The following AIG1 variants were observed in gnomAD, a reference collection of about 807,000 sequenced individuals.
AIG1 encodes androgen induced 1.
A neutral mutation model predicts 31.4 loss-of-function variants in AIG1; 23 were observed. That is an observed-to-expected ratio of 0.73 (90% CI 0.53 to 1.04). The LOEUF is 1.04. Ranked by LOEUF, AIG1 falls within the 50% of genes least tolerant of loss-of-function variation. AIG1 has a pLI of 0.00. For missense variants in AIG1, 274 were observed against 295.0 expected (o/e 0.93, Z 0.52); for synonymous variants, 100 against 110.5 (o/e 0.90, Z 0.60).
At position 143,184,694 on chromosome 6, in the gene AIG1, C is replaced by T. The variant is rs140935290; in HGVS notation, c.399+19511C>T. On this transcript the variant is annotated intron_variant, in intron 3 of 5. Transcript: ENST00000357847. ...AGCTGAACTGAGGCAGCAGCCTCGT[C>T]TCTCATCTCCTGGCCTCTGCCCTCT... Among the ~76,000 whole-genome samples, 1,493 of 152,280 alleles carry T rather than the reference C, an allele frequency of 9.8e-3. 21 individuals are homozygous for T. Among genetic ancestry groups the T allele is most frequent in the African/African-American group, 0.034 (1,425 of 41,540 alleles).
intron 3 of AIG1, among the ~76,000 whole-genome samples, chr6:143,208,267 A>G (rs1417941053): frequency 1.3e-5 from 2 of 152,102 alleles, no homozygotes; most frequent in African/African-American, 4.8e-5. Context: ...TTCAAGCAAC[A>G]CTCTTTATTA....
chr6:143,211,306 T>C (rs2128615714), intron 3 of AIG1, among the ~76,000 whole-genome samples: 1 of 151,912 alleles, frequency 6.6e-6, no homozygotes, highest in East Asian at 2.0e-4. Flanking sequence ...TCGTTTGCTG[T>C]GGGAGATTTA....
Position 143,136,827 on chromosome 6 carries a change from C to A in AIG1, c.142-8C>A. The A allele has an allele frequency of 7.1e-7, 1 of 1,400,612 alleles. No individual in the cohort carries two copies. Among genetic ancestry groups the A allele is most frequent in the Non-Finnish European group, 9.4e-7 (1 of 1,059,838 alleles). The allele number at this position is 1,400,612 out of a possible 1,614,324, so 86.8% of individuals were successfully genotyped here. A position where few individuals can be genotyped will look rare whatever the true frequency, so the allele number is the denominator to read the frequency against. ...TAATGACTCATACCGGCTGTTGTCC[C>A]CCTACAGGTTATCCAGGCTGTCTTT... On this transcript the variant is annotated splice_region_variant and splice_polypyrimidine_tract_variant and intron_variant, in intron 1 of 5. Transcript: ENST00000357847.
intron 3 of AIG1, among the ~76,000 whole-genome samples, chr6:143,276,538 C>T (rs1349386936): frequency 6.6e-6 from 1 of 152,160 alleles, no homozygotes; most frequent in Non-Finnish European, 1.5e-5. Context: ...AATGCCCTGG[C>T]AGTTTCTGGA....
At chr6:143,127,053 G>A (rs889871280) in intron 1 of AIG1, among the ~76,000 whole-genome samples, 4 of 152,162 alleles carry the variant, frequency 2.6e-5, no homozygotes, top group Non-Finnish European at 4.4e-5. Flanking sequence ...CTTTTATAGA[G>A]AGATTTTATA....
At position 143,333,437 on chromosome 6, in the gene AIG1, C is replaced by T; in HGVS notation, c.671C>T (p.Thr224Ile). ...GTTCTGAACAACTATATCTGGGATACACAGAAAAGTAAGTATTGTCTGAGG... is the reference window on the plus strand; with the variant it reads ...GTTCTGAACAACTATATCTGGGATATACAGAAAAGTAAGTATTGTCTGAGG... ...GEVLNNYIWDTQKSMEEEKEK... is the reference protein window; with the variant it reads ...GEVLNNYIWDIQKSMEEEKEK... Residue 224 changes from threonine to isoleucine, a missense_variant, in exon 5 of 6, where the codon ACA becomes ATA. By Grantham distance (89) the Thr-to-Ile change is moderately conservative. Coordinates refer to ENST00000357847, the MANE Select transcript of AIG1 (RefSeq NM_016108.4). This position sits in a 1 kb window ranked among gnomAD's most constrained non-coding sequence, Gnocchi z 4.6. 2 of 1,613,046 alleles carry T rather than the reference C, an allele frequency of 1.2e-6. No individual in the cohort carries two copies. Among genetic ancestry groups the T allele is most frequent in the Non-Finnish European group, 1.7e-6 (2 of 1,179,630 alleles).
At chr6:143,255,689 A>G (rs889325826) in intron 3 of AIG1, among the ~76,000 whole-genome samples, 2 of 152,202 alleles carry the variant, frequency 1.3e-5, no homozygotes, top group African/African-American at 4.8e-5. Context: ...TTTTCTGAAA[A>G]TGTGTATATG....
chr6:143,071,510 A>G (rs1777255354), intron 1 of AIG1, among the ~76,000 whole-genome samples: 1 of 152,260 alleles, frequency 6.6e-6, no homozygotes, highest in South Asian at 2.1e-4. Flanking sequence ...GGAAGCTACC[A>G]AATGGTTGTC....
At chr6:143,142,866 A>G (rs1784361175) in intron 2 of AIG1, among the ~76,000 whole-genome samples, 1 of 152,218 alleles carries the variant, frequency 6.6e-6, no homozygotes, top group Non-Finnish European at 1.5e-5. Flanking sequence ...AAAATCTCAA[A>G]TGCAAACTCA....
rs570130993 is a variant in AIG1, at chr6:143,091,545, G to T, written c.141+30479G>T. Among the ~76,000 whole-genome samples the T allele has an allele frequency of 6.4e-4, 97 of 152,212 alleles. 4 individuals carry two copies. The South Asian group carries it at 0.02, about 31-fold the overall frequency. Reference sequence around the variant, plus strand: ...TCACAATCCTTGCTGACAACGAAGAGAAAAAAAGCTGTGTCTCTATCTTTG... The same window carrying T: ...TCACAATCCTTGCTGACAACGAAGATAAAAAAAGCTGTGTCTCTATCTTTG... On this transcript the variant is annotated intron_variant, in intron 1 of 5. Coordinates refer to ENST00000357847, the MANE Select transcript of AIG1 (RefSeq NM_016108.4).
chr6:143,316,103 C>T (rs1428062051), intron 4 of AIG1, among the ~76,000 whole-genome samples: 2 of 152,050 alleles, frequency 1.3e-5, no homozygotes, highest in African/African-American at 4.8e-5. Context: ...CAGCCTTGGC[C>T]ATTACCCCCA....
chr6:143,147,455 CAACTATGAAATAAGA>C (rs1336597849), intron 2 of AIG1, among the ~76,000 whole-genome samples: 1 of 152,070 alleles, frequency 6.6e-6, no homozygotes, highest in Non-Finnish European at 1.5e-5. Flanking sequence ...CCTTAAAAAT[CAACTATGAAATAAGA>C]AGACTGCATT....
chr6:143,273,724 C>G (rs1276041320), intron 3 of AIG1, among the ~76,000 whole-genome samples: 11 of 152,126 alleles, frequency 7.2e-5, no homozygotes, highest in Non-Finnish European at 4.4e-5. Context: ...GGGGAAACCC[C>G]TTATAAAACC....
intron 2 of AIG1, among the ~76,000 whole-genome samples, chr6:143,159,470 T>G (rs570518196): frequency 6.6e-6 from 1 of 152,362 alleles, no homozygotes; most frequent in East Asian, 1.9e-4. Context: ...CAACAAGTGC[T>G]TTGGCAATTT....
chr6:143,186,271 C>T (rs1789251980), intron 3 of AIG1, among the ~76,000 whole-genome samples: 1 of 152,236 alleles, frequency 6.6e-6, no homozygotes, highest in Non-Finnish European at 1.5e-5. Context: ...CACTGATAAA[C>T]ATTCCTGGCA....
chr6:143,118,064 T>C (rs921043278), intron 1 of AIG1, among the ~76,000 whole-genome samples: 6 of 152,182 alleles, frequency 3.9e-5, no homozygotes, highest in Non-Finnish European at 7.3e-5. Flanking sequence ...GCTTCTGATT[T>C]TGTTACATAA....
In AIG1 at chr6:143,135,277, C is replaced by T. The variant is rs558806736; in HGVS notation, c.142-1558C>T. On this transcript the variant is annotated intron_variant, in intron 1 of 5. Transcript: ENST00000357847. ...AGATTATTCTCCTCTGGTAGGGTCA[C>T]TCCAGTTTAATCAAACTCCATTAGG... Among the ~76,000 whole-genome samples, 3 of 152,102 alleles carry T rather than the reference C, an allele frequency of 2.0e-5. No individual in the cohort carries two copies. In the East Asian group the frequency reaches 5.8e-4, roughly 29 times the overall value.
Position 143,327,387 on chromosome 6 carries a change from G to T in AIG1, c.516-5895G>T. On this transcript the variant is annotated intron_variant, in intron 4 of 5. Transcript: ENST00000357847. The surrounding 1 kb of genome is among the most constrained non-coding windows in gnomAD (Gnocchi z 5.3). ...ATTCACAAGCGCGTCCATGGAGTGGGCTTCAAGAAGTCTGCCCCTTGGGCA... is the reference window on the plus strand; with the variant it reads ...ATTCACAAGCGCGTCCATGGAGTGGTCTTCAAGAAGTCTGCCCCTTGGGCA... 6.4e-6 allele frequency: 2 copies of T among 313,944 alleles called. No individual in the cohort carries two copies. The allele number at this position is 313,944 out of a possible 1,614,324, so 19.4% of individuals were successfully genotyped here.
chr6:143,281,257 C>A (rs766350611), intron 3 of AIG1, among the ~76,000 whole-genome samples: 3 of 152,162 alleles, frequency 2.0e-5, no homozygotes, highest in African/African-American at 2.4e-5. Context: ...TTTGCCCCAT[C>A]TGCAGAATGG....
Sources: allele counts gnomAD v4.1 joint callset (sites outside exome capture counted in the v4.1 genomes callset), GRCh38; gene constraint gnomAD v4.1.1; non-coding constraint Gnocchi (gnomAD v3.1); transcripts MANE v1.5; gene names NCBI Gene and HGNC (gene_info 2026-07-23, HGNC 2026-07-21).